Variants in RFESD observed in about 807,000 individuals in gnomAD.
The protein encoded by RFESD is Rieske domain-containing protein.
RFESD carries 16 observed loss-of-function variants against 24.4 expected under a neutral mutation model. The observed-to-expected ratio is 0.66, with a 90% CI of 0.44 to 1.00. The LOEUF is 1.00. Among genes scored for constraint, RFESD ranks in the 50% least tolerant of loss-of-function variants. The probability of loss-of-function intolerance (pLI) is 0.00; values close to 1 mark genes in which losing one functional copy is unlikely to be tolerated. For synonymous variants in RFESD, 59 were observed against 81.8 expected (o/e 0.72, Z 1.50); for missense variants, 208 against 247.0 (o/e 0.84, Z 1.06).
intron 5 of RFESD, among the ~76,000 whole-genome samples, chr5:95,655,148 C>T (rs958848588): frequency 3.9e-5 from 6 of 152,140 alleles, no homozygotes; most frequent in African/African-American, 4.8e-5. Flanking sequence ...TGTTAAAGAA[C>T]GTATGTGTGT....
rs1329727510 is a variant in RFESD at position 95,653,152 on chromosome 5, A to G, written c.96A>G (p.Leu32=). ...TCTTCCCCAAGCTGTTGGCATGTCT[A>G]GTTCATTTGCATTTTGGGCATTTCA... The part of the protein sequence containing the change: ...GILFPKLLAC[L]VHLHFGHFSS... The change falls in exon 3 of 6, where the codon CTA becomes CTG. Residue 32 remains leucine, a synonymous_variant. Transcript: ENST00000380005. The G allele has an allele frequency of 1.3e-6, 2 of 1,551,684 alleles. No individual in the cohort carries two copies. The highest frequency in any genetic ancestry group is 8.7e-7 in the Non-Finnish European group (1 of 1,146,980).
chr5:95,652,398 G>A lies in RFESD; in HGVS notation c.60+67G>A, dbSNP rs983097788. On this transcript the variant is annotated intron_variant, in intron 2 of 5. Transcript: ENST00000380005. ...TTCTCTCTAGAAATTCTCGACTTTAGTCTCATATATCTGGTTGTTGACTTG... is the reference window on the plus strand; with the variant it reads ...TTCTCTCTAGAAATTCTCGACTTTAATCTCATATATCTGGTTGTTGACTTG... The A allele has an allele frequency of 3.3e-6, 5 of 1,532,230 alleles. No homozygotes were observed. In the African/African-American group the frequency reaches 6.9e-5, roughly 21 times the overall value. 94.9% of individuals were successfully genotyped at this position (1,532,230 alleles called of 1,614,324 possible).
intron 5 of RFESD, among the ~76,000 whole-genome samples, chr5:95,655,130 T>A (rs142602512): frequency 4.5e-4 from 69 of 152,338 alleles, no homozygotes; most frequent in African/African-American, 1.6e-3. Flanking sequence ...TGTACACACC[T>A]GTCCTCATGT....
chr5:95,647,746 C>G (rs1479894218), intron 1 of RFESD: 1 of 151,892 alleles, frequency 6.6e-6, no homozygotes, highest in Non-Finnish European at 1.5e-5. Flanking sequence ...TCTGTGTCTT[C>G]AGGATAGTTT....
intron 1 of RFESD, among the ~76,000 whole-genome samples, chr5:95,650,741 G>A (rs529440513): frequency 1.8e-4 from 27 of 152,170 alleles, no homozygotes; most frequent in Middle Eastern, 6.8e-3. Context: ...TTGGGGAAGC[G>A]ACTGGCCCAT....
At chr5:95,651,357 G>A (rs1339898505) in intron 1 of RFESD, among the ~76,000 whole-genome samples, 5 of 152,138 alleles carry the variant, frequency 3.3e-5, no homozygotes, top group African/African-American at 7.2e-5. Flanking sequence ...GTAGACAAGT[G>A]TGTGTTTAAT....
intron 1 of RFESD, among the ~76,000 whole-genome samples, chr5:95,648,892 C>CTTTTTTTTTTTTT (rs35016122): frequency 1.4e-5 from 1 of 72,426 alleles, no homozygotes; most frequent in Non-Finnish European, 2.7e-5. Flanking sequence ...GATAGTAGTG[C>CTTTTTTTTTTTTT]TTTTTTTTTT....
At chr5:95,652,358 G>A (rs1324338881) in intron 2 of RFESD, 27 bp downstream of exon 2, 1 of 1,546,578 alleles carries the variant, frequency 6.5e-7, no homozygotes, top group Non-Finnish European at 8.7e-7. Context: ...CTATGACCTG[G>A]AAACTCCCCA....
rs1750846296 is a variant in RFESD, at chr5:95,657,713, C to T, written c.*1404C>T. The T allele has an allele frequency of 6.6e-6, 1 of 152,122 alleles. No individual in the cohort carries two copies. Among genetic ancestry groups the T allele is most frequent in the Non-Finnish European group, 1.5e-5 (1 of 68,018 alleles). The allele number at this position is 152,122 out of a possible 1,614,324, so 9.4% of individuals were successfully genotyped here. ...GTTGGAGTTTGGATAGCATGAGTAG[C>T]ACTTGGTCCTCATTTCTCAGACAAC... On this transcript the variant is annotated 3_prime_UTR_variant, in exon 6 of 6. Coordinates refer to ENST00000380005, the MANE Select transcript of RFESD (RefSeq NM_001131066.2).
intron 1 of RFESD, among the ~76,000 whole-genome samples, chr5:95,650,805 G>A (rs1169836957): frequency 2.0e-5 from 3 of 152,124 alleles, no homozygotes; most frequent in Admixed American, 2.0e-4. Flanking sequence ...CTTCTTTAAA[G>A]AAGTTGGATA....
chr5:95,656,303 T>C lies in RFESD; in HGVS notation c.627T>C (p.Ser209=). The C allele has an allele frequency of 6.2e-7, 1 of 1,601,436 alleles. No homozygotes were observed. Residue 209 remains serine (S), a synonymous_variant, in exon 6 of 6, where the codon TCT becomes TCC. Transcript: ENST00000380005. ...GAGACTTCAAAGTAATTAAGAGTTCTTCCTGATAAAAAATATATAGAAATG... is the reference window on the plus strand; with the variant it reads ...GAGACTTCAAAGTAATTAAGAGTTCCTCCTGATAAAAAATATATAGAAATG... ...ATGDFKVIKS[S]S
intron 5 of RFESD, among the ~76,000 whole-genome samples, 191 bp downstream of exon 5, chr5:95,654,558 A>G (rs997760579): frequency 6.6e-6 from 1 of 152,200 alleles, no homozygotes; most frequent in Admixed American, 6.5e-5. Context: ...CTATGGCCAT[A>G]ATTGCACGGA....
At chr5:95,648,042 A>T (rs1750176724) in intron 1 of RFESD, 1 of 152,236 alleles carries the variant, frequency 6.6e-6, no homozygotes, top group Non-Finnish European at 1.5e-5. Context: ...ACTTGGTAAA[A>T]GCATCTTAGT....
rs187589891 is a variant in RFESD at position 95,656,135 on chromosome 5, C to T, written c.459C>T (p.Asn153=). The change falls in exon 6 of 6, where the codon AAC becomes AAT. Residue 153 remains asparagine (N), a synonymous_variant. Coordinates refer to ENST00000380005, the MANE Select transcript of RFESD (RefSeq NM_001131066.2). ...ATGEGLYQSI[N]PKDPSAKPKW... ...GAGAAGGTCTGTACCAGTCTATAAA[C>T]CCTAAAGATCCATCAGCAAAACCCA... 1.9e-5 allele frequency: 30 copies of T among 1,613,698 alleles called. No individual in the cohort carries two copies. In the East Asian group the frequency reaches 6.5e-4, roughly 35 times the overall value.
In RFESD at chr5:95,656,143, A is replaced by G. The variant is rs373170216; in HGVS notation, c.467A>G (p.Asp156Gly). 5.6e-6 allele frequency: 9 copies of G among 1,613,972 alleles called. No individual in the cohort carries two copies. Among genetic ancestry groups the G allele is most frequent in the Non-Finnish European group, 5.9e-6 (7 of 1,179,852 alleles). The change falls in exon 6 of 6, where the codon GAT (aspartate) becomes GGT (glycine). Residue 156 changes from aspartate to glycine, a missense_variant. Transcript: ENST00000380005. ...EGLYQSINPKDPSAKPKWCSK... is the reference protein window; with the variant it reads ...EGLYQSINPKGPSAKPKWCSK... The stretch of plus-strand genomic sequence containing the variant: ...CTGTACCAGTCTATAAACCCTAAAG[A>G]TCCATCAGCAAAACCCAAGTGGTGC...
At chr5:95,651,195 G>T (rs898466668) in intron 1 of RFESD, among the ~76,000 whole-genome samples, 4 of 150,730 alleles carry the variant, frequency 2.7e-5, no homozygotes, top group Non-Finnish European at 4.4e-5. Flanking sequence ...GATTCCTTTT[G>T]ATCAAGGAAA....
rs529360506 is a variant in RFESD at position 95,653,209 on chromosome 5, T to C, written c.153T>C (p.Tyr51=). ...CTGTCATCTCAGTGACCAGTTTTTA[T>C]CTGAGGTAAGAAAATGAAAGGTTTT... The part of the protein sequence containing the change: ...SSAVISVTSF[Y]LSMNLDGSAQ... Residue 51 remains tyrosine (Y), a synonymous_variant, in exon 3 of 6, where the codon TAT becomes TAC. Coordinates refer to ENST00000380005, the MANE Select transcript of RFESD (RefSeq NM_001131066.2). The C allele has an allele frequency of 3.2e-6, 5 of 1,551,594 alleles. No individual in the cohort carries two copies. The highest frequency in any genetic ancestry group is 4.4e-6 in the Non-Finnish European group (5 of 1,146,998).
rs761014466 is a variant in RFESD, at chr5:95,656,304, TC to T, written c.630del (p.Ter211AspfsTer14). The T allele has an allele frequency of 6.2e-7, 1 of 1,601,350 alleles. No individual in the cohort carries two copies. The highest frequency in any genetic ancestry group is 8.5e-7 in the Non-Finnish European group (1 of 1,173,304). The stretch of plus-strand genomic sequence containing the variant: ...AGACTTCAAAGTAATTAAGAGTTCT[TC>T]CTGATAAAAAATATATAGAAATGAA... ...TGDFKVIKSS[S>X] On this transcript the variant is annotated frameshift_variant, in exon 6 of 6. Coordinates refer to ENST00000380005, the MANE Select transcript of RFESD (RefSeq NM_001131066.2). LOFTEE classifies it high-confidence loss of function.
rs1420814381 is a variant in RFESD at position 95,654,097 on chromosome 5, G to C, written c.195G>C (p.Lys65Asn). The C allele has an allele frequency of 6.2e-7, 1 of 1,611,664 alleles. No homozygotes were observed. The highest frequency in any genetic ancestry group is 8.5e-7 in the Non-Finnish European group (1 of 1,179,824). The change falls in exon 4 of 6, where the codon AAG becomes AAC. Residue 65 changes from lysine (K) to asparagine (N), a missense_variant. By Grantham distance (94) the Lys-to-Asn change is moderately conservative (BLOSUM62 0). Transcript: ENST00000380005. ...NLDGSAQDPEKREYSSVCVGR... is the reference protein window; with the variant it reads ...NLDGSAQDPENREYSSVCVGR... ...ATGGCTCTGCACAAGATCCTGAAAA[G>C]AGGGAATATTCTTCTGTGTGTGTGG... is the stretch of plus-strand genomic sequence containing the variant.
Sources: gnomAD v4.1 joint callset for allele counts (sites outside exome capture counted in the v4.1 genomes callset) on GRCh38, gnomAD v4.1.1 for gene constraint, MANE v1.5 for transcripts, NCBI Gene and HGNC (gene_info 2026-07-23, HGNC 2026-07-21) for gene names.